The following PTTG1IP variants were observed in gnomAD, a reference collection of about 807,000 sequenced individuals.
PTTG1IP encodes PTTG1 interacting protein.
A neutral mutation model predicts 24.4 loss-of-function variants in PTTG1IP; 16 were observed. The observed-to-expected ratio is 0.66, with a 90% CI of 0.44 to 1.00. The LOEUF (loss-of-function observed/expected upper bound fraction) is 1.00. Ranked by LOEUF, PTTG1IP falls within the 50% of genes least tolerant of loss-of-function variation. The pLI, the probability that PTTG1IP is intolerant of heterozygous loss-of-function variation, is 0.00. For synonymous variants in PTTG1IP, 89 were observed against 96.8 expected, an observed-to-expected ratio of 0.92 and a Z score of 0.47; for missense variants, 241 against 245.8, an observed-to-expected ratio of 0.98 and a Z score of 0.13.
Position 44,861,019 on chromosome 21 carries a change from G to C in PTTG1IP, c.277+144C>G. 5.2e-6 allele frequency: 3 copies of C among 579,530 alleles called. No homozygotes were observed. In the South Asian group the frequency reaches 6.0e-5, roughly 12 times the overall value. 35.9% of individuals were successfully genotyped at this position (579,530 alleles called of 1,614,324 possible). On this transcript the variant is annotated intron_variant, in intron 3 of 5. Transcript: ENST00000330938. ...GGGCTTCACCATGTTAGCCAGGATG[G>C]TCTCAATCTCCTGACCTCTTGATCC...
intron 5 of PTTG1IP, among the ~76,000 whole-genome samples, chr21:44,852,050 G>A (rs191946734): frequency 2.6e-5 from 4 of 152,266 alleles, no homozygotes; most frequent in African/African-American, 4.8e-5. Context: ...TCTAACTCTC[G>A]AGTACTCTGA....
rs2083410627 is a variant in PTTG1IP at position 44,851,479 on chromosome 21, G to A, written c.*102C>T. On this transcript the variant is annotated 3_prime_UTR_variant, in exon 6 of 6. Coordinates refer to ENST00000330938, the MANE Select transcript of PTTG1IP (RefSeq NM_004339.4). ...TCCTGGAAGGCTGGCAGGTTCACTG[G>A]CCAAGGTCAGGAGACCGCAATGGCC... 3 of 1,612,340 alleles carry A rather than the reference G, an allele frequency of 1.9e-6. No individual in the cohort carries two copies. The highest frequency in any genetic ancestry group is 1.3e-5 in the African/African-American group (1 of 74,936).
intron 1 of PTTG1IP, among the ~76,000 whole-genome samples, chr21:44,870,297 T>C (rs951760578): frequency 6.6e-6 from 1 of 152,034 alleles, no homozygotes; most frequent in East Asian, 1.9e-4. Flanking sequence ...TCCCAAAACT[T>C]TGGGAGGCCG....
chr21:44,860,333 C>T (rs1449010279), intron 3 of PTTG1IP, among the ~76,000 whole-genome samples: 1 of 152,138 alleles, frequency 6.6e-6, no homozygotes, highest in Non-Finnish European at 1.5e-5. Context: ...AGTGCCATTG[C>T]ACTCCAGCCC....
chr21:44,864,997 C>T (rs2083523971), intron 2 of PTTG1IP, among the ~76,000 whole-genome samples: 1 of 152,198 alleles, frequency 6.6e-6, no homozygotes, highest in South Asian at 2.1e-4. Flanking sequence ...TGTGCCCCTT[C>T]CAATCCTGTG....
chr21:44,862,645 A>T (rs1601251998), intron 2 of PTTG1IP, among the ~76,000 whole-genome samples: 1 of 152,208 alleles, frequency 6.6e-6, no homozygotes, highest in Admixed American at 6.5e-5. Context: ...TTTTAATAGG[A>T]TAGAAAGTCA....
chr21:44,851,480 C>G lies in PTTG1IP; in HGVS notation c.*101G>C. 6.2e-7 allele frequency: 1 copy of G among 1,612,660 alleles called. No homozygotes were observed. Among genetic ancestry groups the G allele is most frequent in the Non-Finnish European group, 8.5e-7 (1 of 1,179,940 alleles). ...CCTGGAAGGCTGGCAGGTTCACTGG[C>G]CAAGGTCAGGAGACCGCAATGGCCA... is the stretch of plus-strand genomic sequence containing the variant. On this transcript the variant is annotated 3_prime_UTR_variant, in exon 6 of 6. Coordinates refer to ENST00000330938, the MANE Select transcript of PTTG1IP (RefSeq NM_004339.4).
intron 2 of PTTG1IP, 59 bp from the exon 3 acceptor site, chr21:44,861,330 C>T (rs934224225): frequency 2.8e-6 from 4 of 1,445,612 alleles, no homozygotes; most frequent in Non-Finnish European, 3.8e-6. Context: ...AAGAACTGTC[C>T]AGGCTCTGCC....
rs11537959 is a variant in PTTG1IP, at chr21:44,850,756, G to A, written c.*825C>T. ...GGAGAGAGCTGCAGCGTCCTGCCCC[G>A]TCCTCCCCACACCGCTGGCACACGA... On this transcript the variant is annotated 3_prime_UTR_variant, in exon 6 of 6. Transcript: ENST00000330938. 5.7e-3 allele frequency: 868 copies of A among 152,574 alleles called. 3 individuals carry two copies. Among genetic ancestry groups the A allele is most frequent in the Non-Finnish European group, 9.4e-3 (640 of 68,172 alleles). The allele number at this position is 152,574 out of a possible 1,614,324, so 9.5% of individuals were successfully genotyped here. A position where few individuals can be genotyped will look rare whatever the true frequency, so the allele number is the denominator to read the frequency against.
chr21:44,851,660 T>C, intron 5 of PTTG1IP, 33 bp from the exon 6 acceptor site: 1 of 1,546,388 alleles, frequency 6.5e-7, no homozygotes, highest in African/African-American at 1.4e-5. Flanking sequence ...CATAACTTCA[T>C]TCATTCAACC....
At chr21:44,852,161 T>TAC (rs757707124) in intron 5 of PTTG1IP, among the ~76,000 whole-genome samples, 6 of 152,124 alleles carry the variant, frequency 3.9e-5, no homozygotes, top group African/African-American at 7.2e-5. Context: ...CACACACACA[T>TAC]ACACACACTC....
intron 2 of PTTG1IP, chr21:44,861,975 C>G: frequency 1.5e-6 from 1 of 646,532 alleles, no homozygotes; most frequent in African/African-American, 1.8e-5. Context: ...CGGCTCAGCC[C>G]GCCCTAAACT....
intron 1 of PTTG1IP, chr21:44,872,929 C>T (rs1181669322): frequency 6.6e-6 from 1 of 152,348 alleles, no homozygotes; most frequent in African/African-American, 2.4e-5. Flanking sequence ...TTGGGGACGC[C>T]TTCCTTTCTA....
At chr21:44,869,591 G>A (rs2083568281) in intron 1 of PTTG1IP, among the ~76,000 whole-genome samples, 2 of 152,180 alleles carry the variant, frequency 1.3e-5, no homozygotes, top group African/African-American at 4.8e-5. Context: ...GAGCAACTGT[G>A]CCCAGCTGAA....
chr21:44,871,011 A>G (rs980736960), intron 1 of PTTG1IP, among the ~76,000 whole-genome samples: 3 of 152,260 alleles, frequency 2.0e-5, no homozygotes, highest in Admixed American at 6.5e-5. Flanking sequence ...GCTCATCAGC[A>G]GAACGAGCAG....
intron 2 of PTTG1IP, chr21:44,861,970 C>CA (rs2083495406): frequency 1.5e-6 from 1 of 654,398 alleles, no homozygotes; most frequent in Non-Finnish European, 2.8e-6. Context: ...AACTACGGCT[C>CA]AGCCCGCCCT....
chr21:44,856,171 G>A (rs773522954), intron 4 of PTTG1IP, 22 bp downstream of exon 4: 1 of 1,613,968 alleles, frequency 6.2e-7, no homozygotes, highest in Non-Finnish European at 8.5e-7. Flanking sequence ...AACCTTCCCA[G>A]CGGGCATCAC....
chr21:44,854,013 G>A (rs2083430253), intron 5 of PTTG1IP, among the ~76,000 whole-genome samples: 1 of 152,196 alleles, frequency 6.6e-6, no homozygotes, highest in South Asian at 2.1e-4. Context: ...GTCCCGGCCA[G>A]TGGGCAGAGC....
intron 1 of PTTG1IP, among the ~76,000 whole-genome samples, chr21:44,866,846 G>A (rs2146470043): frequency 6.6e-6 from 1 of 152,376 alleles, no homozygotes; most frequent in East Asian, 1.9e-4. Context: ...ATGTTGGCAA[G>A]GATGTACAGC....
Sources: gnomAD v4.1 joint callset for allele counts (sites outside exome capture counted in the v4.1 genomes callset) on GRCh38, gnomAD v4.1.1 for gene constraint, MANE v1.5 for transcripts, NCBI Gene and HGNC (gene_info 2026-07-23, HGNC 2026-07-21) for gene names.